Variants in AADACL2 observed in about 807,000 individuals in gnomAD.
AADACL2 encodes arylacetamide deacetylase-like 2.
AADACL2 carries 23 observed loss-of-function variants against 22.3 expected under a neutral mutation model. The ratio of observed to expected loss-of-function variants is 1.03; its 90% CI spans 0.74 to 1.46. The LOEUF (loss-of-function observed/expected upper bound fraction) is 1.46. AADACL2 is among the 40% of genes most tolerant of loss of function. AADACL2 has a pLI of 0.00. For synonymous variants in AADACL2, 177 were observed against 166.2 expected, an observed-to-expected ratio of 1.07 and a Z score of -0.50; for missense variants, 472 against 482.9, an observed-to-expected ratio of 0.98 and a Z score of 0.21.
intron 4 of AADACL2, among the ~76,000 whole-genome samples, chr3:151,751,220 T>C (rs774003352): frequency 1.3e-5 from 2 of 152,192 alleles, no homozygotes; most frequent in Non-Finnish European, 2.9e-5. Flanking sequence ...GAGATTATTA[T>C]ACTAATTACT....
chr3:151,753,359 G>A (rs986637026), intron 4 of AADACL2, among the ~76,000 whole-genome samples: 1 of 152,150 alleles, frequency 6.6e-6, no homozygotes, highest in Non-Finnish European at 1.5e-5. Flanking sequence ...TAAAGATCAG[G>A]AAAGGACAGG....
rs574111536 is a variant in AADACL2 at position 151,749,316 on chromosome 3, T to A, written c.603+3636T>A. Among the ~76,000 whole-genome samples the A allele has an allele frequency of 3.3e-5, 5 of 152,300 alleles. No homozygotes were observed. The South Asian group carries it at 6.2e-4, about 19-fold the overall frequency. On this transcript the variant is annotated intron_variant, in intron 4 of 4. Transcript: ENST00000356517. ...TTGATGCTATTGAAATGGGATTTTT[T>A]AAAATTTCTTTTTAAGATAGTTTGT...
At position 151,757,279 on chromosome 3, in the gene AADACL2, T is replaced by C. The variant is rs1468067852; in HGVS notation, c.891T>C (p.Tyr297=). The C allele has an allele frequency of 1.2e-6, 2 of 1,613,688 alleles. No homozygotes were observed. The highest frequency in any genetic ancestry group is 8.5e-7 in the Non-Finnish European group (1 of 1,179,744). Residue 297 remains tyrosine (Y), a synonymous_variant, in exon 5 of 5, where the codon TAT becomes TAC. Coordinates refer to ENST00000356517, the MANE Select transcript of AADACL2 (RefSeq NM_207365.4). ...AGAAGTATAGAAAAGACTATGTATA[T>C]ACTGAACCAATTCTTGGAGGACTTA... ...LPEKYRKDYV[Y]TEPILGGLSY... is the part of the protein sequence containing the mutation.
intron 2 of AADACL2, among the ~76,000 whole-genome samples, chr3:151,742,328 A>C (rs1192225038): frequency 1.3e-5 from 2 of 152,148 alleles, no homozygotes; most frequent in African/African-American, 4.8e-5. Flanking sequence ...TTCTACAGAC[A>C]CTATAACAAT....
At chr3:151,752,135 A>AC (rs1553865823) in intron 4 of AADACL2, among the ~76,000 whole-genome samples, 175 of 152,122 alleles carry the variant, frequency 1.2e-3, no homozygotes, top group African/African-American at 4.1e-3. Context: ...TATTACCTGT[A>AC]CTGTGTTTAT....
chr3:151,746,911 T>TG (rs1216348922), intron 4 of AADACL2, among the ~76,000 whole-genome samples: 1 of 151,692 alleles, frequency 6.6e-6, no homozygotes, highest in Non-Finnish European at 1.5e-5. Flanking sequence ...TCAGGTTTTT[T>TG]TTTTTTCTTT....
chr3:151,747,338 T>TA (rs1285650067), intron 4 of AADACL2, among the ~76,000 whole-genome samples: 1 of 152,066 alleles, frequency 6.6e-6, no homozygotes, highest in African/African-American at 2.4e-5. Context: ...CTCCAGAACT[T>TA]ATTCATCCTG....
chr3:151,744,342 T>A (rs1713374371), intron 3 of AADACL2, among the ~76,000 whole-genome samples, 180 bp downstream of exon 3: 1 of 152,148 alleles, frequency 6.6e-6, no homozygotes, highest in African/African-American at 2.4e-5. Flanking sequence ...TTTCTGTGAT[T>A]GTGAGAATAT....
At chr3:151,741,373 C>G (rs1713273640) in intron 2 of AADACL2, among the ~76,000 whole-genome samples, 1 of 152,032 alleles carries the variant, frequency 6.6e-6, no homozygotes, top group South Asian at 2.1e-4. Context: ...TAATAATAAA[C>G]TCTTCCCATA....
chr3:151,741,087 T>C (rs1267958668), intron 2 of AADACL2, among the ~76,000 whole-genome samples: 2 of 152,250 alleles, frequency 1.3e-5, no homozygotes, highest in Non-Finnish European at 2.9e-5. Context: ...GTTTTTGTTT[T>C]GTTTTTTTAT....
At chr3:151,749,923 T>C (rs1403995994) in intron 4 of AADACL2, among the ~76,000 whole-genome samples, 2 of 152,228 alleles carry the variant, frequency 1.3e-5, no homozygotes, top group Admixed American at 1.3e-4. Context: ...GTCTTGTTCC[T>C]GATGTCAGAG....
chr3:151,753,857 G>A (rs1173066646), intron 4 of AADACL2, among the ~76,000 whole-genome samples: 4 of 152,224 alleles, frequency 2.6e-5, no homozygotes, highest in African/African-American at 7.2e-5. Context: ...ACTGGATTGA[G>A]AAGGGTAGTA....
chr3:151,754,745 A>T (rs957425417), intron 4 of AADACL2, among the ~76,000 whole-genome samples: 25 of 152,126 alleles, frequency 1.6e-4, no homozygotes, highest in Admixed American at 1.6e-3. Flanking sequence ...CTCTAAGGAC[A>T]TTACCGTGAG....
intron 4 of AADACL2, among the ~76,000 whole-genome samples, chr3:151,755,940 G>A (rs1294391354): frequency 6.6e-6 from 1 of 152,024 alleles, no homozygotes; most frequent in Non-Finnish European, 1.5e-5. Flanking sequence ...ACTTTGTTTT[G>A]GCTCATTTTC....
chr3:151,754,377 G>A lies in AADACL2; in HGVS notation c.604-2615G>A, dbSNP rs112725121. Among the ~76,000 whole-genome samples, 839 of 152,242 alleles carry A rather than the reference G, an allele frequency of 5.5e-3. 7 individuals are homozygous for A. The highest frequency in any genetic ancestry group is 0.019 in the African/African-American group (806 of 41,548). ...TACTTTCTTGATGACAATAATACCAGTGGCATGGCCTATAACTTGAAAAAC... is the reference window on the plus strand; with the variant it reads ...TACTTTCTTGATGACAATAATACCAATGGCATGGCCTATAACTTGAAAAAC... On this transcript the variant is annotated intron_variant, in intron 4 of 4. Transcript: ENST00000356517.
chr3:151,745,541 C>T lies in AADACL2; in HGVS notation c.464C>T (p.Ala155Val). Residue 155 changes from alanine to valine, a missense_variant, in exon 4 of 5, where the codon GCT becomes GTT. Ala to Val is a moderately conservative substitution (Grantham distance 64). Transcript: ENST00000356517. ...CTGGCTCCTCAACACCACTTTCCTG[C>T]TCAGTTTGAAGATGGCCTTGCTGCA... ...YRLAPQHHFP[A>V]QFEDGLAAVK... 1 of 1,613,750 alleles carries T rather than the reference C, an allele frequency of 6.2e-7. No homozygotes were observed. Among genetic ancestry groups the T allele is most frequent in the Non-Finnish European group, 8.5e-7 (1 of 1,179,854 alleles).
In AADACL2 at chr3:151,760,354, A is replaced by T. The variant is rs1046216921; in HGVS notation, c.*2760A>T. ...GAGAAACAGTGATGCAGAACCTGAG[A>T]GTCAAATTTAATATTCTCTAGGTAC... On this transcript the variant is annotated 3_prime_UTR_variant, in exon 5 of 5. Coordinates refer to ENST00000356517, the MANE Select transcript of AADACL2 (RefSeq NM_207365.4). The T allele has an allele frequency of 2.0e-5, 3 of 152,122 alleles. No homozygotes were observed. In the South Asian group the frequency reaches 6.2e-4, roughly 31 times the overall value. 9.4% of individuals were successfully genotyped at this position (152,122 alleles called of 1,614,324 possible). A position where few individuals can be genotyped will look rare whatever the true frequency, so the allele number is the denominator to read the frequency against.
intron 3 of AADACL2, among the ~76,000 whole-genome samples, 167 bp downstream of exon 3, chr3:151,744,329 A>G (rs1255999247): frequency 6.6e-6 from 1 of 151,918 alleles, no homozygotes; most frequent in African/African-American, 2.4e-5. Flanking sequence ...GTGTCCCATT[A>G]TTTTTCTGTG....
In AADACL2 at chr3:151,734,095, C is replaced by T. The variant is rs1234521697; in HGVS notation, c.60C>T (p.Tyr20=). Reference sequence around the variant, plus strand: ...GTGTTCTTTTTGTCTCTCATTTTTACACACCCATGCCAGACAACATTGAAG... The same window carrying T: ...GTGTTCTTTTTGTCTCTCATTTTTATACACCCATGCCAGACAACATTGAAG... The part of the protein sequence containing the change: ...LLCVLFVSHF[Y]TPMPDNIEES... The change falls in exon 1 of 5, where the codon TAC becomes TAT. Residue 20 remains tyrosine, a synonymous_variant. Coordinates refer to ENST00000356517, the MANE Select transcript of AADACL2 (RefSeq NM_207365.4). 55 of 1,613,432 alleles carry T rather than the reference C, an allele frequency of 3.4e-5. No homozygotes were observed. The highest frequency in any genetic ancestry group is 4.6e-5 in the Non-Finnish European group (54 of 1,179,764).
Sources: gnomAD v4.1 joint callset for allele counts (sites outside exome capture counted in the v4.1 genomes callset) on GRCh38, gnomAD v4.1.1 for gene constraint, MANE v1.5 for transcripts, NCBI Gene and HGNC (gene_info 2026-07-23, HGNC 2026-07-21) for gene names.